The following ZFAND3 variants were observed in gnomAD, a reference collection of about 807,000 sequenced individuals.
The protein encoded by ZFAND3 is zinc finger AN1-type containing 3.
A neutral mutation model predicts 29.6 loss-of-function variants in ZFAND3; 10 were observed. The observed-to-expected ratio is 0.34, with a 90% CI of 0.21 to 0.57. ZFAND3 has a LOEUF of 0.57. Ranked by LOEUF, ZFAND3 falls within the 20% of genes least tolerant of loss-of-function variation. ZFAND3 has a pLI of 0.86. For synonymous variants in ZFAND3, 128 were observed against 112.6 expected (o/e 1.14, Z -0.87); for missense variants, 230 against 304.5 (o/e 0.76, Z 1.82).
chr6:38,051,651 A>G (rs1764029137), intron 2 of ZFAND3, among the ~76,000 whole-genome samples: 1 of 152,212 alleles, frequency 6.6e-6, no homozygotes, highest in Non-Finnish European at 1.5e-5. Flanking sequence ...TTTTTCCACA[A>G]TATGCCAAAC....
In ZFAND3 at chr6:38,090,437, A is replaced by G. The variant is rs938303697; in HGVS notation, c.361+7980A>G. On this transcript the variant is annotated intron_variant, in intron 4 of 5. Coordinates refer to ENST00000287218, the MANE Select transcript of ZFAND3 (RefSeq NM_021943.3). ...AGTATTTAAATAAATGTTTTACCTT[A>G]TGCACTCATCATCTTGGGTCCTGAA... 4.6e-5 allele frequency among the ~76,000 whole-genome samples: 7 copies of G among 152,350 alleles called. No individual in the cohort carries two copies. The East Asian group carries it at 1.2e-3, about 25-fold the overall frequency.
At chr6:37,870,294 A>C (rs1215552469) in intron 1 of ZFAND3, among the ~76,000 whole-genome samples, 2 of 87,708 alleles carry the variant, frequency 2.3e-5, no homozygotes, top group Non-Finnish European at 5.2e-5. Flanking sequence ...GACTGTCTCA[A>C]AAAAAAAAAA....
At chr6:37,959,840 A>G (rs1762162771) in intron 2 of ZFAND3, among the ~76,000 whole-genome samples, 4 of 152,226 alleles carry the variant, frequency 2.6e-5, no homozygotes, top group Admixed American at 2.6e-4. Context: ...TCTTCTTGAG[A>G]ACACTTATCA....
At chr6:37,929,813 A>T (rs1251137048) in intron 1 of ZFAND3, 146 bp from the exon 2 acceptor site, 1 of 561,412 alleles carries the variant, frequency 1.8e-6, no homozygotes, top group Non-Finnish European at 2.9e-6. Flanking sequence ...GTGGCTAGCT[A>T]GGGACTTGTT....
intron 1 of ZFAND3, among the ~76,000 whole-genome samples, chr6:37,853,154 T>C (rs1290352061): frequency 6.6e-6 from 1 of 152,072 alleles, no homozygotes; most frequent in East Asian, 1.9e-4. Context: ...TAGTAATGTA[T>C]GTGGAATTCA....
rs1178465964 is a variant in ZFAND3 at position 38,127,615 on chromosome 6, C to T, written c.529+10876C>T. On this transcript the variant is annotated intron_variant, in intron 5 of 5. Transcript: ENST00000287218. ...AGAAATGCTTTGTTTGAATTAAAGG[C>T]ATGAAAATTTGTGTGTAGATAATAG... Among the ~76,000 whole-genome samples, 6 of 151,832 alleles carry T rather than the reference C, an allele frequency of 4.0e-5. No homozygotes were observed. In the East Asian group the frequency reaches 1.2e-3, roughly 29 times the overall value.
At chr6:38,089,254 A>G (rs1764818698) in intron 4 of ZFAND3, among the ~76,000 whole-genome samples, 1 of 151,824 alleles carries the variant, frequency 6.6e-6, no homozygotes, top group Admixed American at 6.6e-5. Context: ...CCACCCCCCA[A>G]GTAGCTGGGA....
rs1016349773 is a variant in ZFAND3 at position 37,939,330 on chromosome 6, T to C, written c.112+9331T>C. On this transcript the variant is annotated intron_variant, in intron 2 of 5. Transcript: ENST00000287218. Reference sequence around the variant, plus strand: ...TGGCATTCCTTTGCTCATAGACATATCATTCTAGTCTCTGCTTCATCCACA... The same window carrying C: ...TGGCATTCCTTTGCTCATAGACATACCATTCTAGTCTCTGCTTCATCCACA... Among the ~76,000 whole-genome samples the C allele has an allele frequency of 3.9e-5, 6 of 152,208 alleles. No homozygotes were observed. In the East Asian group the frequency reaches 5.8e-4, roughly 15 times the overall value.
At chr6:38,042,768 G>GT (rs557633235) in intron 2 of ZFAND3, among the ~76,000 whole-genome samples, 240 of 152,232 alleles carry the variant, frequency 1.6e-3, no homozygotes, top group African/African-American at 5.5e-3. Flanking sequence ...GTTGAACTAG[G>GT]TTTATAGGGT....
intron 2 of ZFAND3, among the ~76,000 whole-genome samples, chr6:38,037,412 A>C (rs1239772656): frequency 3.3e-5 from 5 of 152,216 alleles, no homozygotes; most frequent in Admixed American, 2.6e-4. Context: ...GTTTTAAGAG[A>C]AGTATGACTG....
At chr6:37,942,123 A>G (rs760108792) in intron 2 of ZFAND3, among the ~76,000 whole-genome samples, 18 of 152,186 alleles carry the variant, frequency 1.2e-4, no homozygotes, top group Non-Finnish European at 2.6e-4. Context: ...TGCCTTGCCA[A>G]TTAGAACAAA....
chr6:37,947,189 A>G (rs977967735), intron 2 of ZFAND3, among the ~76,000 whole-genome samples: 3 of 152,186 alleles, frequency 2.0e-5, no homozygotes, highest in African/African-American at 7.2e-5. Context: ...TGTTAACAGG[A>G]GGTTAAGTGT....
At chr6:37,839,347 A>T (rs776712139) in intron 1 of ZFAND3, among the ~76,000 whole-genome samples, 1 of 150,010 alleles carries the variant, frequency 6.7e-6, no homozygotes, top group East Asian at 2.0e-4. Flanking sequence ...TGCCTAGCTA[A>T]TTTTTTGTAT....
At chr6:37,859,841 C>A (rs1446400218) in intron 1 of ZFAND3, among the ~76,000 whole-genome samples, 1 of 143,642 alleles carries the variant, frequency 7.0e-6, no homozygotes, top group African/African-American at 2.5e-5. Context: ...GAGTCTAGCT[C>A]TGTTGCCCAG....
At chr6:38,132,827 A>G (rs1374836953) in intron 5 of ZFAND3, among the ~76,000 whole-genome samples, 2 of 152,240 alleles carry the variant, frequency 1.3e-5, no homozygotes, top group African/African-American at 4.8e-5. Context: ...ACCCAGCTTA[A>G]ACTGGCCTCC....
chr6:38,092,705 G>T (rs546898167), intron 4 of ZFAND3, among the ~76,000 whole-genome samples: 2 of 152,288 alleles, frequency 1.3e-5, no homozygotes, highest in African/African-American at 4.8e-5. Flanking sequence ...TGGAAAAACT[G>T]AGATACAGCT....
intron 2 of ZFAND3, among the ~76,000 whole-genome samples, chr6:37,944,240 T>G (rs1255963130): frequency 6.6e-6 from 1 of 152,160 alleles, no homozygotes; most frequent in Non-Finnish European, 1.5e-5. Flanking sequence ...CATATAGCAA[T>G]TACAAGAAGA....
Position 38,070,412 on chromosome 6 carries a change from C to CT in ZFAND3, c.295+8638dup, listed in dbSNP as rs1279361306. 7.3e-5 allele frequency among the ~76,000 whole-genome samples: 8 copies of CT among 109,842 alleles called. No individual in the cohort carries two copies. In the South Asian group the frequency reaches 2.8e-3, roughly 39 times the overall value. 72.1% of individuals were successfully genotyped at this position (109,842 alleles called of 152,430 possible). ...CTGGGCAACAAGAATGAAACTTAGT[C>CT]TAAAAAAAAAAAAAAAAGATTTTAT... is the stretch of plus-strand genomic sequence containing the variant. On this transcript the variant is annotated intron_variant, in intron 3 of 5. Coordinates refer to ENST00000287218, the MANE Select transcript of ZFAND3 (RefSeq NM_021943.3).
chr6:37,871,221 T>G (rs186675651), intron 1 of ZFAND3, among the ~76,000 whole-genome samples: 42 of 152,384 alleles, frequency 2.8e-4, no homozygotes, highest in Admixed American at 7.8e-4. Context: ...ATTCTAAGTT[T>G]ACTGACTCTT....
Sources: gnomAD v4.1 joint callset for allele counts (sites outside exome capture counted in the v4.1 genomes callset) on GRCh38, gnomAD v4.1.1 for gene constraint, MANE v1.5 for transcripts, NCBI Gene and HGNC (gene_info 2026-07-23, HGNC 2026-07-21) for gene names.